The following MAN1C1 variants were observed in gnomAD, a reference collection of about 807,000 sequenced individuals.
The protein encoded by MAN1C1 is mannosidase alpha class 1C member 1, also known as mannosyl-oligosaccharide 1,2-alpha-mannosidase IC.
MAN1C1 carries 49 observed loss-of-function variants against 71.5 expected under a neutral mutation model. The ratio of observed to expected loss-of-function variants is 0.69; its 90% confidence interval spans 0.54 to 0.87. The LOEUF (loss-of-function observed/expected upper bound fraction) is 0.87, where lower values mean the gene tolerates loss of function less well. MAN1C1 is among the 40% of genes least tolerant of loss of function. The probability of loss-of-function intolerance (pLI) is 0.00; values close to 1 mark genes in which losing one functional copy is unlikely to be tolerated. For synonymous variants in MAN1C1, 352 were observed against 343.7 expected (o/e 1.02, Z -0.27); for missense variants, 743 against 835.0 (o/e 0.89, Z 1.36).
intron 1 of MAN1C1, among the ~76,000 whole-genome samples, chr1:25,641,572 T>A (rs1278115927): frequency 6.6e-6 from 1 of 152,264 alleles, no homozygotes; most frequent in Non-Finnish European, 1.5e-5. Context: ...TTTTAGTAAA[T>A]ACTGATGCCT....
rs1219507790 is a variant in MAN1C1 at position 25,778,620 on chromosome 1, G to T, written c.1477+296G>T. On this transcript the variant is annotated intron_variant, in intron 9 of 11. Transcript: ENST00000374332. This position sits in a 1 kb window ranked among gnomAD's most constrained non-coding sequence, Gnocchi z 5.5. The stretch of plus-strand genomic sequence containing the variant: ...GGAAACTGAGGCTCAGAGATTACTT[G>T]GCCAAGGTCCCTTGAGAGGGGCACA... 6.6e-6 allele frequency among the ~76,000 whole-genome samples: 1 copy of T among 152,104 alleles called. No homozygotes were observed. The highest frequency in any genetic ancestry group is 2.4e-5 in the African/African-American group (1 of 41,416).
At chr1:25,683,482 G>A (rs1297853028) in intron 1 of MAN1C1, among the ~76,000 whole-genome samples, 3 of 152,256 alleles carry the variant, frequency 2.0e-5, no homozygotes, top group African/African-American at 7.2e-5. Context: ...GCATGTAGCA[G>A]TGAATGGGGG....
intron 5 of MAN1C1, among the ~76,000 whole-genome samples, chr1:25,755,420 C>CT (rs2047272905): frequency 6.6e-6 from 1 of 152,234 alleles, no homozygotes; most frequent in Admixed American, 6.5e-5. Flanking sequence ...ACAAGCTGGC[C>CT]TTTGTCACAG....
chr1:25,671,131 G>A (rs1014005687), intron 1 of MAN1C1, among the ~76,000 whole-genome samples: 2 of 152,076 alleles, frequency 1.3e-5, no homozygotes, highest in African/African-American at 2.4e-5. Flanking sequence ...CACCTGCCTC[G>A]GCCTCCAGAA....
At chr1:25,676,954 T>G (rs2046077753) in intron 1 of MAN1C1, among the ~76,000 whole-genome samples, 1 of 152,142 alleles carries the variant, frequency 6.6e-6, no homozygotes. Flanking sequence ...TGTCCTCCCC[T>G]CCTCTAATGC....
Position 25,684,393 on chromosome 1 carries a change from G to A in MAN1C1, c.541-2047G>A, listed in dbSNP as rs72662658. ...AAGCCCTTGGCTGTGTTACCATGAC[G>A]TTTGCTTGTGTGTCACATGGGAAGC... On this transcript the variant is annotated intron_variant, in intron 1 of 11. Transcript: ENST00000374332. 8.0e-3 allele frequency among the ~76,000 whole-genome samples: 1,223 copies of A among 152,344 alleles called. 6 individuals are homozygous for A. Among genetic ancestry groups the A allele is most frequent in the Middle Eastern group, 0.014 (4 of 294 alleles).
chr1:25,619,912 A>G (rs1040024247), intron 1 of MAN1C1, among the ~76,000 whole-genome samples: 4 of 152,154 alleles, frequency 2.6e-5, no homozygotes, highest in South Asian at 2.1e-4. Context: ...GCAGTTTTTC[A>G]TGGGGCATCC....
chr1:25,697,350 T>C (rs1240185465), intron 2 of MAN1C1, among the ~76,000 whole-genome samples: 1 of 152,266 alleles, frequency 6.6e-6, no homozygotes, highest in East Asian at 1.9e-4. Context: ...TCATCCACAT[T>C]GTAGCATGTA....
At chr1:25,694,042 T>G (rs968919644) in intron 2 of MAN1C1, among the ~76,000 whole-genome samples, 32 of 152,368 alleles carry the variant, frequency 2.1e-4, no homozygotes, top group African/African-American at 7.7e-4. Flanking sequence ...AAACAGTGCC[T>G]GGTGCAGAGT....
intron 2 of MAN1C1, among the ~76,000 whole-genome samples, chr1:25,704,523 G>T (rs1971442): frequency 0.039 from 5,902 of 152,344 alleles, 140 homozygotes; most frequent in Non-Finnish European, 0.055. Flanking sequence ...GCTTGCTAGA[G>T]AATCCCTGAT....
In MAN1C1 at chr1:25,771,753, T is replaced by G. The variant is rs960360386; in HGVS notation, c.1238T>G (p.Met413Arg). ...AAGACAGATATGGAGGCTAAAAATA[T>G]GTACTACGAAGCCTTGGAGGTAAGA... ...SGKTDMEAKN[M>R]YYEALEAIET... The change falls in exon 8 of 12, where the codon ATG (methionine) becomes AGG (arginine). Residue 413 changes from methionine to arginine, a missense_variant. Transcript: ENST00000374332. 6.2e-7 allele frequency: 1 copy of G among 1,613,562 alleles called. No homozygotes were observed. Among genetic ancestry groups the G allele is most frequent in the African/African-American group, 1.3e-5 (1 of 74,932 alleles).
intron 2 of MAN1C1, among the ~76,000 whole-genome samples, chr1:25,740,274 G>A (rs1031129657): frequency 3.3e-5 from 5 of 152,134 alleles, no homozygotes; most frequent in African/African-American, 1.2e-4. Context: ...ACAGCGTGCA[G>A]CCAAAGTGGA....
rs915389476 is a variant in MAN1C1 at position 25,778,983 on chromosome 1, A to G, written c.1477+659A>G. Among the ~76,000 whole-genome samples the G allele has an allele frequency of 2.0e-5, 3 of 152,174 alleles. No individual in the cohort carries two copies. The highest frequency in any genetic ancestry group is 7.2e-5 in the African/African-American group (3 of 41,440). On this transcript the variant is annotated intron_variant, in intron 9 of 11. Coordinates refer to ENST00000374332, the MANE Select transcript of MAN1C1 (RefSeq NM_020379.4). The surrounding 1 kb of genome is among the most constrained non-coding windows in gnomAD (Gnocchi z 5.5). Reference sequence around the variant, plus strand: ...GAGGGGAAGTGACTTAGCCAAAGTCACACTGCACATGAGGAATTGATCCTG... The same window carrying G: ...GAGGGGAAGTGACTTAGCCAAAGTCGCACTGCACATGAGGAATTGATCCTG...
chr1:25,617,786 G>T lies in MAN1C1; in HGVS notation c.-12G>T. 1 of 1,579,086 alleles carries T rather than the reference G, an allele frequency of 6.3e-7. No individual in the cohort carries two copies. Among genetic ancestry groups the T allele is most frequent in the Non-Finnish European group, 8.6e-7 (1 of 1,166,682 alleles). ...GACTCCGAGGGCTTCTGGAGCCACCGGCCGGGCCACGATGCTCATGAGGAA... is the reference window on the plus strand; with the variant it reads ...GACTCCGAGGGCTTCTGGAGCCACCTGCCGGGCCACGATGCTCATGAGGAA... On this transcript the variant is annotated 5_prime_UTR_variant, in exon 1 of 12. Coordinates refer to ENST00000374332, the MANE Select transcript of MAN1C1 (RefSeq NM_020379.4). This position sits in a 1 kb window ranked among gnomAD's most constrained non-coding sequence, Gnocchi z 5.1.
intron 2 of MAN1C1, among the ~76,000 whole-genome samples, chr1:25,727,769 C>T (rs1054254238): frequency 4.6e-5 from 7 of 152,350 alleles, no homozygotes; most frequent in East Asian, 1.9e-4. Context: ...GCCACCCTCA[C>T]GGGAATCCAT....
At position 25,746,306 on chromosome 1, in the gene MAN1C1, A is replaced by AAAAC. The variant is rs149111344; in HGVS notation, c.638-350_638-347dup. On this transcript the variant is annotated intron_variant, in intron 2 of 11. Coordinates refer to ENST00000374332, the MANE Select transcript of MAN1C1 (RefSeq NM_020379.4). The surrounding 1 kb of genome is among the most constrained non-coding windows in gnomAD (Gnocchi z 4.0). ...GGTGACAGAGTAAGACCCTGTCTCA[A>AAAAC]AAACAAACAAACAAAGATTTTTATA... Among the ~76,000 whole-genome samples the AAAAC allele has an allele frequency of 0.023, 3,443 of 152,300 alleles. 121 individuals carry two copies. Among genetic ancestry groups the AAAAC allele is most frequent in the African/African-American group, 0.078 (3,226 of 41,530 alleles).
chr1:25,625,290 C>T (rs1255516905), intron 1 of MAN1C1, among the ~76,000 whole-genome samples: 1 of 152,080 alleles, frequency 6.6e-6, no homozygotes, highest in Non-Finnish European at 1.5e-5. Context: ...CAGGTGTGAG[C>T]CGCACCCAGC....
At chr1:25,734,635 G>A (rs2046956189) in intron 2 of MAN1C1, among the ~76,000 whole-genome samples, 1 of 152,176 alleles carries the variant, frequency 6.6e-6, no homozygotes, top group African/African-American at 2.4e-5. Flanking sequence ...TCACACCACA[G>A]AGGAATTGCC....
chr1:25,635,801 C>A (rs2045451363), intron 1 of MAN1C1, among the ~76,000 whole-genome samples: 1 of 151,940 alleles, frequency 6.6e-6, no homozygotes, highest in South Asian at 2.1e-4. Context: ...TTCTTTAATT[C>A]CTGTTATGGC....
Sources: gnomAD v4.1 joint callset for allele counts (sites outside exome capture counted in the v4.1 genomes callset) on GRCh38, gnomAD v4.1.1 for gene constraint, Gnocchi (gnomAD v3.1) non-coding constraint, MANE v1.5 for transcripts, NCBI Gene and HGNC (gene_info 2026-07-23, HGNC 2026-07-21) for gene names.